PTPRG: variants seen among roughly 807,000 people sequenced by gnomAD.
The protein encoded by PTPRG is protein tyrosine phosphatase receptor type G, also known as receptor-type tyrosine-protein phosphatase gamma.
In PTPRG, 102 loss-of-function variants were observed where a neutral mutation model predicts 165.3. The ratio of observed to expected loss-of-function variants is 0.62; its 90% CI spans 0.53 to 0.73. The LOEUF (loss-of-function observed/expected upper bound fraction) is 0.73. Among genes scored for constraint, PTPRG ranks in the 30% least tolerant of loss-of-function variants. The pLI, the probability that PTPRG is intolerant of heterozygous loss-of-function variation, is 0.00. For missense variants in PTPRG, 1,866 were observed against 1,861.4 expected (o/e 1.00, Z -0.05); for synonymous variants, 675 against 669.5 (o/e 1.01, Z -0.13).
intron 2 of PTPRG, among the ~76,000 whole-genome samples, chr3:61,873,159 A>G (rs933035668): frequency 1.3e-5 from 2 of 152,164 alleles, no homozygotes; most frequent in African/African-American, 4.8e-5. Context: ...ATTTAGAGAA[A>G]TTTTGATACA....
At chr3:62,142,210 C>T (rs1383437768) in intron 6 of PTPRG, among the ~76,000 whole-genome samples, 3 of 151,820 alleles carry the variant, frequency 2.0e-5, no homozygotes, top group Non-Finnish European at 4.4e-5. Flanking sequence ...TTGTGCATTC[C>T]CAAAGATAAA....
chr3:62,117,647 T>G (rs1702914141), intron 5 of PTPRG, among the ~76,000 whole-genome samples: 1 of 152,210 alleles, frequency 6.6e-6, no homozygotes, highest in Admixed American at 6.5e-5. Flanking sequence ...GGCACTGGGT[T>G]TCCTATTGCA....
At position 61,648,442 on chromosome 3, in the gene PTPRG, C is replaced by G. The variant is rs146053688; in HGVS notation, c.85+86070C>G. Among the ~76,000 whole-genome samples the G allele has an allele frequency of 2.4e-3, 365 of 152,358 alleles. 1 individual carries two copies. Among genetic ancestry groups the G allele is most frequent in the Non-Finnish European group, 3.5e-3 (236 of 68,040 alleles). ...CCTAGCTTGCTCCTACCAGGCTACA[C>G]ATTTTCACCCGAGGGGAAATGAAAA... On this transcript the variant is annotated intron_variant, in intron 1 of 29. Transcript: ENST00000474889.
intron 2 of PTPRG, among the ~76,000 whole-genome samples, chr3:61,928,285 G>T (rs1428147052): frequency 2.0e-5 from 3 of 152,154 alleles, no homozygotes; most frequent in Admixed American, 6.5e-5. Context: ...AGCATGCCTA[G>T]TCTCTCCTGC....
chr3:62,174,773 T>A (rs936932660), intron 8 of PTPRG, among the ~76,000 whole-genome samples: 3 of 152,246 alleles, frequency 2.0e-5, no homozygotes, highest in African/African-American at 7.2e-5. Context: ...ACTTATCTTA[T>A]TAAAAGAAGC....
intron 1 of PTPRG, among the ~76,000 whole-genome samples, chr3:61,632,141 C>CA (rs35323971): frequency 1.3e-5 from 2 of 152,086 alleles, no homozygotes; most frequent in Non-Finnish European, 2.9e-5. Flanking sequence ...CTCATCTGTA[C>CA]AAAAAATACC....
intron 2 of PTPRG, among the ~76,000 whole-genome samples, chr3:61,772,131 C>T (rs2034229489): frequency 6.8e-6 from 1 of 146,542 alleles, no homozygotes; most frequent in African/African-American, 2.5e-5. Context: ...CATGTTCCTT[C>T]TTTGCCAATT....
chr3:61,674,227 G>T (rs1361927738), intron 1 of PTPRG, among the ~76,000 whole-genome samples: 1 of 151,618 alleles, frequency 6.6e-6, no homozygotes, highest in Non-Finnish European at 1.5e-5. Context: ...AAAGCCTATT[G>T]AATGTCTCAG....
chr3:62,219,768 C>T lies in PTPRG; in HGVS notation c.2288+785C>T, dbSNP rs1477819752. On this transcript the variant is annotated intron_variant, in intron 13 of 29. Transcript: ENST00000474889. The surrounding 1 kb of genome is among the most constrained non-coding windows in gnomAD (Gnocchi z 4.5). ...TTCCATTCACTCAATTTTGAGCCCA[C>T]ACTTTGTGCCAGTCTTCTAGACACA... Among the ~76,000 whole-genome samples the T allele has an allele frequency of 6.6e-6, 1 of 152,228 alleles. No homozygotes were observed. The highest frequency in any genetic ancestry group is 2.4e-5 in the African/African-American group (1 of 41,464).
intron 13 of PTPRG, among the ~76,000 whole-genome samples, chr3:62,226,602 C>A (rs780329398): frequency 2.6e-5 from 4 of 152,276 alleles, no homozygotes; most frequent in East Asian, 1.9e-4. Flanking sequence ...AAAAGACTTG[C>A]AAAAGTATAG....
intron 1 of PTPRG, among the ~76,000 whole-genome samples, chr3:61,714,188 T>C (rs541202366): frequency 2.9e-4 from 44 of 152,290 alleles, no homozygotes; most frequent in South Asian, 8.3e-4. Flanking sequence ...TTTAGTCTTA[T>C]GCAAGTATAT....
intron 2 of PTPRG, among the ~76,000 whole-genome samples, chr3:61,869,747 T>TTTTTG (rs552364668): frequency 0.096 from 14,523 of 151,182 alleles, 670 homozygotes; most frequent in Middle Eastern, 0.12. Flanking sequence ...CCTGGCTAAT[T>TTTTTG]TTTTGTTTTG....
intron 2 of PTPRG, among the ~76,000 whole-genome samples, chr3:61,810,970 A>G (rs1377185568): frequency 6.6e-6 from 1 of 152,124 alleles, no homozygotes; most frequent in Non-Finnish European, 1.5e-5. Flanking sequence ...GGGGAGTGCA[A>G]GGCTGTCACC....
intron 1 of PTPRG, among the ~76,000 whole-genome samples, chr3:61,630,981 G>T (rs988471132): frequency 6.6e-6 from 1 of 152,032 alleles, no homozygotes; most frequent in Non-Finnish European, 1.5e-5. Flanking sequence ...GCTTGAACCC[G>T]GGAGGTGGAG....
At chr3:61,815,432 A>G (rs184789958) in intron 2 of PTPRG, among the ~76,000 whole-genome samples, 1 of 152,098 alleles carries the variant, frequency 6.6e-6, no homozygotes, top group African/African-American at 2.4e-5. Context: ...AAATAAAAGA[A>G]ATCTTATTGT....
intron 2 of PTPRG, among the ~76,000 whole-genome samples, chr3:61,904,484 A>G (rs2038590713): frequency 6.6e-6 from 1 of 152,110 alleles, no homozygotes; most frequent in Non-Finnish European, 1.5e-5. Flanking sequence ...GGACTTTTTG[A>G]GAGTGACGGT....
chr3:61,947,601 C>T lies in PTPRG; in HGVS notation c.191-42024C>T, dbSNP rs542957432. 2.2e-4 allele frequency among the ~76,000 whole-genome samples: 33 copies of T among 152,298 alleles called. No homozygotes were observed. The South Asian group carries it at 6.2e-3, about 29-fold the overall frequency. ...GCAGGGTGGAAGCAAAAAATAGGAA[C>T]TGATTGACTGAAGTAACTGAAAAGT... On this transcript the variant is annotated intron_variant, in intron 2 of 29. Transcript: ENST00000474889.
chr3:61,972,947 C>A (rs2040418017), intron 2 of PTPRG, among the ~76,000 whole-genome samples: 1 of 152,048 alleles, frequency 6.6e-6, no homozygotes. Context: ...GCATGCATCT[C>A]TGTGCCTGGC....
At chr3:61,642,057 T>C (rs1237502646) in intron 1 of PTPRG, among the ~76,000 whole-genome samples, 1 of 151,980 alleles carries the variant, frequency 6.6e-6, no homozygotes, top group Non-Finnish European at 1.5e-5. Flanking sequence ...ACCTGCAGAG[T>C]TGTTTTTGTG....
Sources: allele counts gnomAD v4.1 joint callset (sites outside exome capture counted in the v4.1 genomes callset), GRCh38; gene constraint gnomAD v4.1.1; non-coding constraint Gnocchi (gnomAD v3.1); transcripts MANE v1.5; gene names NCBI Gene and HGNC (gene_info 2026-07-23, HGNC 2026-07-21).